Variants in CCSER1 observed in about 807,000 individuals in gnomAD.
The protein encoded by CCSER1 is coiled-coil serine rich protein 1, also known as serine-rich coiled-coil domain-containing protein 1.
In CCSER1, 41 loss-of-function variants were observed where a neutral mutation model predicts 82.0. The observed-to-expected ratio is 0.50, with a 90% confidence interval of 0.39 to 0.65. The LOEUF is 0.65. CCSER1 is among the 30% of genes least tolerant of loss of function. The pLI, the probability that CCSER1 is intolerant of heterozygous loss-of-function variation, is 0.00. For synonymous variants in CCSER1, 414 were observed against 383.9 expected, an observed-to-expected ratio of 1.08 and a Z score of -0.92; for missense variants, 1,119 against 1,064.2, an observed-to-expected ratio of 1.05 and a Z score of -0.72.
At chr4:90,446,438 A>G (rs1760664422) in intron 4 of CCSER1, among the ~76,000 whole-genome samples, 1 of 152,156 alleles carries the variant, frequency 6.6e-6, no homozygotes, top group African/African-American at 2.4e-5. Context: ...AACCTGAGAG[A>G]GATTCTTGAT....
At chr4:91,336,944 A>T (rs947883688) in intron 10 of CCSER1, among the ~76,000 whole-genome samples, 4 of 152,102 alleles carry the variant, frequency 2.6e-5, no homozygotes, top group Non-Finnish European at 4.4e-5. Context: ...ATAATATGTG[A>T]ATGCATCTTT....
At chr4:91,330,899 G>T (rs1746904631) in intron 10 of CCSER1, among the ~76,000 whole-genome samples, 2 of 152,288 alleles carry the variant, frequency 1.3e-5, no homozygotes, top group South Asian at 4.1e-4. Context: ...TAAATTGCAT[G>T]CAGTTTTGGG....
At chr4:90,670,257 A>G (rs1021716728) in intron 6 of CCSER1, among the ~76,000 whole-genome samples, 2 of 152,098 alleles carry the variant, frequency 1.3e-5, no homozygotes, top group Admixed American at 1.3e-4. Context: ...GTTGTATCTC[A>G]GGTTGGGATC....
chr4:90,887,890 A>G (rs1238956549), intron 8 of CCSER1, among the ~76,000 whole-genome samples: 3 of 152,182 alleles, frequency 2.0e-5, no homozygotes, highest in African/African-American at 7.2e-5. Context: ...CAAAAAAACA[A>G]AACAAAACAA....
intron 10 of CCSER1, among the ~76,000 whole-genome samples, chr4:91,463,044 C>T (rs979641159): frequency 9.2e-5 from 14 of 152,170 alleles, no homozygotes; most frequent in South Asian, 2.1e-4. Context: ...GATATGAGAA[C>T]GGACAGACTG....
chr4:90,780,504 G>A, intron 7 of CCSER1: 1 of 1,611,152 alleles, frequency 6.2e-7, no homozygotes, highest in Non-Finnish European at 8.5e-7. Context: ...GGGTTCAGGA[G>A]GCCTAGATGA....
chr4:90,756,429 T>C (rs976412159), intron 7 of CCSER1, among the ~76,000 whole-genome samples: 3 of 152,156 alleles, frequency 2.0e-5, no homozygotes, highest in Admixed American at 2.0e-4. Context: ...TAGGAATGTT[T>C]CTTGAGGAAT....
At chr4:90,833,380 T>A (rs757782929) in intron 8 of CCSER1, among the ~76,000 whole-genome samples, 1 of 152,156 alleles carries the variant, frequency 6.6e-6, no homozygotes, top group African/African-American at 2.4e-5. Flanking sequence ...TCAACATAAA[T>A]TTTGGAGGAG....
intron 7 of CCSER1, among the ~76,000 whole-genome samples, chr4:90,751,739 A>G (rs17244339): frequency 0.024 from 3,668 of 152,162 alleles, 77 homozygotes; most frequent in Middle Eastern, 0.058. Flanking sequence ...TTTTATTATC[A>G]TAGAATTCAT....
intron 10 of CCSER1, among the ~76,000 whole-genome samples, chr4:91,457,518 T>C (rs1756252710): frequency 6.6e-6 from 1 of 152,062 alleles, no homozygotes; most frequent in Admixed American, 6.6e-5. Context: ...ATAAAAAAAA[T>C]AATTAGTCAT....
intron 7 of CCSER1, among the ~76,000 whole-genome samples, chr4:90,810,927 G>C (rs1159235910): frequency 6.8e-6 from 1 of 146,464 alleles, no homozygotes; most frequent in Non-Finnish European, 1.5e-5. Flanking sequence ...CCGCCTCCCG[G>C]GTTCACGCCA....
intron 10 of CCSER1, among the ~76,000 whole-genome samples, chr4:91,520,440 A>C (rs905535355): frequency 6.6e-6 from 1 of 151,708 alleles, no homozygotes; most frequent in Non-Finnish European, 1.5e-5. Context: ...TACCCTCCTT[A>C]GTGGTCTTTG....
In CCSER1 at chr4:91,421,382, C is replaced by A. The variant is rs6827393; in HGVS notation, c.2218-177190C>A. Among the ~76,000 whole-genome samples, 858 of 152,236 alleles carry A rather than the reference C, an allele frequency of 5.6e-3. 7 individuals carry two copies. Among genetic ancestry groups the A allele is most frequent in the Non-Finnish European group, 9.2e-3 (628 of 68,012 alleles). On this transcript the variant is annotated intron_variant, in intron 10 of 10. Coordinates refer to ENST00000509176, the MANE Select transcript of CCSER1 (RefSeq NM_001145065.2). ...TCGTCCAAGGCTGAAGGCCTGAGAACCTTGTGGAGTCGTGGGTGTAAGTCC... is the reference window on the plus strand; with the variant it reads ...TCGTCCAAGGCTGAAGGCCTGAGAAACTTGTGGAGTCGTGGGTGTAAGTCC...
intron 5 of CCSER1, among the ~76,000 whole-genome samples, chr4:90,483,258 A>G (rs1476328706): frequency 1.3e-5 from 2 of 152,086 alleles, no homozygotes; most frequent in Non-Finnish European, 2.9e-5. Context: ...TTTTGAGCCT[A>G]TGTGTGTCTC....
At chr4:91,565,368 G>A (rs189655755) in intron 10 of CCSER1, among the ~76,000 whole-genome samples, 1 of 152,014 alleles carries the variant, frequency 6.6e-6, no homozygotes, top group Non-Finnish European at 1.5e-5. Flanking sequence ...GTTCATGATT[G>A]CCTTGGCTGT....
intron 8 of CCSER1, among the ~76,000 whole-genome samples, chr4:90,917,174 C>G (rs949432710): frequency 2.0e-5 from 3 of 152,066 alleles, no homozygotes; most frequent in African/African-American, 7.2e-5. Flanking sequence ...GGTATATACC[C>G]AAAGGATTAT....
chr4:91,468,803 A>G (rs1443518559), intron 10 of CCSER1, among the ~76,000 whole-genome samples: 2 of 152,120 alleles, frequency 1.3e-5, no homozygotes, highest in Admixed American at 6.6e-5. Context: ...GGATGCTGGA[A>G]ATATCAGAAA....
intron 10 of CCSER1, among the ~76,000 whole-genome samples, chr4:91,461,415 G>A (rs949174495): frequency 3.9e-5 from 6 of 152,052 alleles, no homozygotes; most frequent in African/African-American, 1.4e-4. Flanking sequence ...GGTACAAAGT[G>A]GCACAGATGG....
chr4:90,249,050 T>G (rs990451190), intron 1 of CCSER1, among the ~76,000 whole-genome samples: 1 of 148,190 alleles, frequency 6.7e-6, no homozygotes, highest in African/African-American at 2.6e-5. Context: ...CAGTAGCAAA[T>G]GTCTAGATTA....
Sources: allele counts gnomAD v4.1 joint callset (sites outside exome capture counted in the v4.1 genomes callset), GRCh38; gene constraint gnomAD v4.1.1; transcripts MANE v1.5; gene names NCBI Gene and HGNC (gene_info 2026-07-23, HGNC 2026-07-21).